The following MBD5 variants were observed in gnomAD, a reference collection of about 807,000 sequenced individuals.
MBD5 encodes the protein methyl-CpG binding domain protein 5.
A neutral mutation model predicts 117.3 loss-of-function variants in MBD5; 13 were observed. The observed-to-expected ratio is 0.11, with a 90% CI of 0.07 to 0.18. The LOEUF (loss-of-function observed/expected upper bound fraction) is 0.18. MBD5 is among the 10% of genes least tolerant of loss of function. The pLI is 1.00. For synonymous variants in MBD5, 727 were observed against 766.4 expected, an observed-to-expected ratio of 0.95 and a Z score of 0.85; for missense variants, 1,879 against 2,093.8, an observed-to-expected ratio of 0.90 and a Z score of 2.00.
At chr2:148,355,234 T>C (rs1445689586) in intron 4 of MBD5, among the ~76,000 whole-genome samples, 1 of 151,972 alleles carries the variant, frequency 6.6e-6, no homozygotes, top group Non-Finnish European at 1.5e-5. Flanking sequence ...GTCTGTTCAT[T>C]CTGATGATAG....
chr2:148,239,353 A>T (rs1700160785), intron 3 of MBD5, among the ~76,000 whole-genome samples: 1 of 152,134 alleles, frequency 6.6e-6, no homozygotes, highest in Non-Finnish European at 1.5e-5. Context: ...TTTACTTGAC[A>T]TCAGAGTTCA....
intron 2 of MBD5, among the ~76,000 whole-genome samples, chr2:148,184,350 G>A (rs976751261): frequency 2.6e-5 from 4 of 152,006 alleles, no homozygotes; most frequent in African/African-American, 7.2e-5. Context: ...TCAGATGTTA[G>A]CACTGTCAAT....
At chr2:148,052,908 G>C (rs1694756703) in intron 1 of MBD5, among the ~76,000 whole-genome samples, 3 of 145,514 alleles carry the variant, frequency 2.1e-5, no homozygotes, top group Admixed American at 1.4e-4. Flanking sequence ...GTTGCAATGA[G>C]CCAATATCAC....
chr2:148,207,750 C>T (rs1340188908), intron 2 of MBD5, among the ~76,000 whole-genome samples: 1 of 150,444 alleles, frequency 6.6e-6, no homozygotes, highest in Non-Finnish European at 1.5e-5. Flanking sequence ...GATTATATAC[C>T]TGCGTTCATC....
chr2:148,056,838 A>C (rs1051879529), intron 1 of MBD5, among the ~76,000 whole-genome samples: 5 of 151,894 alleles, frequency 3.3e-5, no homozygotes, highest in Non-Finnish European at 5.9e-5. Context: ...AAATTCATCT[A>C]TAACCTATTA....
At chr2:148,370,041 T>A (rs1051320332) in intron 4 of MBD5, among the ~76,000 whole-genome samples, 17 of 152,296 alleles carry the variant, frequency 1.1e-4, no homozygotes, top group Non-Finnish European at 1.3e-4. Context: ...GGAACATTTT[T>A]CTTCCTCTAT....
intron 1 of MBD5, among the ~76,000 whole-genome samples, chr2:148,147,078 G>A (rs1012677947): frequency 6.6e-6 from 1 of 151,820 alleles, no homozygotes; most frequent in Non-Finnish European, 1.5e-5. Flanking sequence ...CATATGTATT[G>A]TAGGTGGCTT....
chr2:148,369,932 T>C, intron 4 of MBD5, among the ~76,000 whole-genome samples: 1 of 152,140 alleles, frequency 6.6e-6, no homozygotes, highest in East Asian at 1.9e-4. Context: ...AACTACTACA[T>C]CCAGTCTCTT....
At chr2:148,326,531 G>A (rs1446630290) in intron 3 of MBD5, among the ~76,000 whole-genome samples, 14 of 152,180 alleles carry the variant, frequency 9.2e-5, no homozygotes, top group Admixed American at 9.2e-4. Context: ...TGTATTGGGT[G>A]CACATATATT....
intron 4 of MBD5, among the ~76,000 whole-genome samples, chr2:148,343,626 G>T (rs190336929): frequency 8.2e-4 from 125 of 152,020 alleles, no homozygotes; most frequent in African/African-American, 1.2e-3. Flanking sequence ...GGGGCTGTTG[G>T]TTTTTTGCTT....
intron 3 of MBD5, among the ~76,000 whole-genome samples, chr2:148,293,122 T>C (rs559075903): frequency 1.5e-5 from 2 of 136,186 alleles, no homozygotes; most frequent in Non-Finnish European, 3.1e-5. Context: ...GAGACCAGCC[T>C]GAGCAACGTA....
intron 3 of MBD5, among the ~76,000 whole-genome samples, chr2:148,292,559 A>T (rs1293402206): frequency 6.6e-6 from 1 of 152,200 alleles, no homozygotes; most frequent in Admixed American, 6.5e-5. Flanking sequence ...TCCAAAAGAT[A>T]GGTAATAACA....
At chr2:148,287,883 G>C (rs1045301032) in intron 3 of MBD5, among the ~76,000 whole-genome samples, 5 of 152,082 alleles carry the variant, frequency 3.3e-5, no homozygotes, top group Non-Finnish European at 7.4e-5. Context: ...AGTTCTCAAC[G>C]TTGTTGCTTT....
intron 2 of MBD5, among the ~76,000 whole-genome samples, chr2:148,215,023 C>T (rs1197598760): frequency 2.0e-5 from 3 of 152,120 alleles, no homozygotes; most frequent in South Asian, 4.1e-4. Flanking sequence ...GCAGGGCTCC[C>T]TTCATATGTT....
intron 2 of MBD5, among the ~76,000 whole-genome samples, chr2:148,179,554 T>C: frequency 6.6e-6 from 1 of 152,198 alleles, no homozygotes; most frequent in African/African-American, 2.4e-5. Context: ...ACTCATAACA[T>C]TATAACCCCT....
At chr2:148,227,582 G>C (rs1699865083) in intron 2 of MBD5, among the ~76,000 whole-genome samples, 1 of 152,284 alleles carries the variant, frequency 6.6e-6, no homozygotes, top group Non-Finnish European at 1.5e-5. Flanking sequence ...GCTTAGGATT[G>C]ACTTGGCAAT....
chr2:148,195,483 A>T (rs2105925075), intron 2 of MBD5, among the ~76,000 whole-genome samples: 1 of 152,286 alleles, frequency 6.6e-6, no homozygotes, highest in Admixed American at 6.5e-5. Flanking sequence ...CTCTCCCATA[A>T]ATGGTTATAA....
chr2:148,377,876 T>C (rs953705992), intron 4 of MBD5, among the ~76,000 whole-genome samples: 1 of 152,190 alleles, frequency 6.6e-6, no homozygotes, highest in African/African-American at 2.4e-5. Flanking sequence ...AATTTGAACT[T>C]TGTACTTCAG....
intron 3 of MBD5, among the ~76,000 whole-genome samples, chr2:148,278,822 G>A (rs1340365231): frequency 2.6e-5 from 4 of 152,180 alleles, no homozygotes; most frequent in Admixed American, 2.0e-4. Context: ...AACCAAAGAA[G>A]CTGATAGTGT....
Sources: gnomAD v4.1 joint callset for allele counts (sites outside exome capture counted in the v4.1 genomes callset) on GRCh38, gnomAD v4.1.1 for gene constraint, MANE v1.5 for transcripts, NCBI Gene and HGNC (gene_info 2026-07-23, HGNC 2026-07-21) for gene names.